Variants in ZBTB16 observed in about 807,000 individuals in gnomAD.
ZBTB16 encodes zinc finger and BTB domain-containing protein 16.
Under a neutral mutation model 56.8 loss-of-function variants are expected in ZBTB16, and 8 were observed. The ratio of observed to expected loss-of-function variants is 0.14; its 90% CI spans 0.08 to 0.25. ZBTB16 has a LOEUF of 0.25. Ranked by LOEUF, ZBTB16 falls within the 10% of genes least tolerant of loss-of-function variation. ZBTB16 has a pLI of 1.00. For missense variants in ZBTB16, 625 were observed against 903.0 expected (o/e 0.69, Z 3.95); for synonymous variants, 363 against 368.5 (o/e 0.98, Z 0.17).
chr11:114,207,372 G>A (rs115190448), intron 4 of ZBTB16, among the ~76,000 whole-genome samples: 2 of 152,082 alleles, frequency 1.3e-5, no homozygotes, highest in African/African-American at 4.8e-5. Flanking sequence ...GATAACCAGG[G>A]TTTTGAATTT....
intron 2 of ZBTB16, among the ~76,000 whole-genome samples, chr11:114,148,445 C>CTCTG (rs1401932030): frequency 1.8e-5 from 1 of 56,876 alleles, no homozygotes; most frequent in African/African-American, 5.6e-5. Flanking sequence ...CTTTCTCTCT[C>CTCTG]TCTGTCTGTC....
chr11:114,137,511 T>G (rs552814618), intron 2 of ZBTB16, among the ~76,000 whole-genome samples: 2 of 152,334 alleles, frequency 1.3e-5, no homozygotes, highest in Non-Finnish European at 2.9e-5. Context: ...AATGTGGATG[T>G]TCCAGTGGCA....
At chr11:114,177,328 ACAAC>A (rs1943141606) in intron 3 of ZBTB16, among the ~76,000 whole-genome samples, 2 of 152,228 alleles carry the variant, frequency 1.3e-5, no homozygotes, top group African/African-American at 4.8e-5. Flanking sequence ...TCGGCTCACC[ACAAC>A]CTCTGCCTCC....
intron 2 of ZBTB16, among the ~76,000 whole-genome samples, chr11:114,137,935 C>T (rs1483921557): frequency 6.6e-6 from 1 of 152,184 alleles, no homozygotes; most frequent in Admixed American, 6.5e-5. Flanking sequence ...TGCTGTGCAT[C>T]GGTGAGAGGA....
chr11:114,235,629 C>CCTTCCTTTCTTTCTTTCTTTCTTT (rs767837990), intron 4 of ZBTB16, among the ~76,000 whole-genome samples: 58 of 97,842 alleles, frequency 5.9e-4, no homozygotes, highest in African/African-American at 2.0e-3. Flanking sequence ...CCTCTCCCTT[C>CCTTCCTTTCTTTCTTTCTTTCTTT]CTTTCTTTCT....
intron 5 of ZBTB16, among the ~76,000 whole-genome samples, chr11:114,246,280 G>A (rs1018527644): frequency 6.6e-6 from 1 of 152,172 alleles, no homozygotes; most frequent in African/African-American, 2.4e-5. Context: ...AGCATAGTGT[G>A]TCAGCAAGCT....
chr11:114,165,676 G>T (rs1389909103), intron 3 of ZBTB16, among the ~76,000 whole-genome samples: 1 of 152,164 alleles, frequency 6.6e-6, no homozygotes, highest in Admixed American at 6.5e-5. Flanking sequence ...CAGGAAAGGG[G>T]TCAGTGCCAG....
intron 3 of ZBTB16, among the ~76,000 whole-genome samples, chr11:114,168,074 G>C (rs555901198): frequency 9.9e-5 from 15 of 152,264 alleles, no homozygotes; most frequent in Admixed American, 6.5e-4. Context: ...TTATTTGCTT[G>C]GCCTTTTTTG....
chr11:114,244,374 C>T (rs1242627487), intron 5 of ZBTB16, among the ~76,000 whole-genome samples: 5 of 138,278 alleles, frequency 3.6e-5, no homozygotes, highest in African/African-American at 8.3e-5. Flanking sequence ...TTGGGGGGGG[C>T]GGGGTCACAG....
At chr11:114,203,826 G>A (rs1943789950) in intron 4 of ZBTB16, among the ~76,000 whole-genome samples, 1 of 152,096 alleles carries the variant, frequency 6.6e-6, no homozygotes, top group African/African-American at 2.4e-5. Context: ...GAGTAGGGGT[G>A]GCTCTGGGAT....
intron 4 of ZBTB16, among the ~76,000 whole-genome samples, chr11:114,197,872 C>G (rs1012687034): frequency 1.3e-5 from 2 of 152,070 alleles, no homozygotes; most frequent in Non-Finnish European, 2.9e-5. Flanking sequence ...GCACGAGGGA[C>G]AGTGCTGGGC....
chr11:114,180,803 A>G (rs675044), intron 3 of ZBTB16: 29,833 of 152,246 alleles, frequency 0.2, 3,375 homozygotes, highest in African/African-American at 0.32. Flanking sequence ...GCAGGGTATC[A>G]GGGATATGGT....
chr11:114,229,260 G>T (rs1421805399), intron 4 of ZBTB16, among the ~76,000 whole-genome samples: 1 of 152,190 alleles, frequency 6.6e-6, no homozygotes, highest in African/African-American at 2.4e-5. Context: ...GAATGCCAAT[G>T]AAGCACTGGA....
chr11:114,148,703 CA>C (rs1000303841), intron 2 of ZBTB16, among the ~76,000 whole-genome samples: 1 of 151,536 alleles, frequency 6.6e-6, no homozygotes, highest in African/African-American at 2.4e-5. Context: ...CCATGTTAGC[CA>C]GGATGGTCTC....
At chr11:114,173,948 C>T (rs1269938362) in intron 3 of ZBTB16, among the ~76,000 whole-genome samples, 1 of 152,210 alleles carries the variant, frequency 6.6e-6, no homozygotes, top group Non-Finnish European at 1.5e-5. Flanking sequence ...GGGAGTTAAG[C>T]ATGGAGGTAT....
rs916020918 is a variant in ZBTB16, at chr11:114,255,683, C to T, written c.*5128C>T. On this transcript the variant is annotated 3_prime_UTR_variant, in exon 7 of 7. Transcript: ENST00000335953. ...TGCCTTCGTTTCGTGTAGATTGACG[C>T]GTTTCTTTGTAATTTCAGTGTTTCT... 3.5e-5 allele frequency among the ~76,000 whole-genome samples: 5 copies of T among 144,812 alleles called. No homozygotes were observed. The highest frequency in any genetic ancestry group is 1.0e-4 in the African/African-American group (4 of 38,626).
At chr11:114,088,231 T>C (rs910694729) in intron 2 of ZBTB16, among the ~76,000 whole-genome samples, 2 of 149,090 alleles carry the variant, frequency 1.3e-5, no homozygotes, top group Non-Finnish European at 3.0e-5. Context: ...AGCCTCTGCC[T>C]CTTGGGTTCA....
At chr11:114,199,067 A>T (rs1213955156) in intron 4 of ZBTB16, among the ~76,000 whole-genome samples, 1 of 152,202 alleles carries the variant, frequency 6.6e-6, no homozygotes, top group African/African-American at 2.4e-5. Flanking sequence ...AGACATCTTG[A>T]GTGTTTCTCG....
Position 114,063,110 on chromosome 11 carries a change from G to A in ZBTB16, c.-90-101G>A, listed in dbSNP as rs1162220596. ...CTAAGGGCTTGGCAACAGGGAGGAG[G>A]GGGCATGTTGTAGTGGTTGAATTCT... is the stretch of plus-strand genomic sequence containing the variant. On this transcript the variant is annotated intron_variant, in intron 1 of 6. Transcript: ENST00000335953. This position sits in a 1 kb window ranked among gnomAD's most constrained non-coding sequence, Gnocchi z 6.5. The A allele has an allele frequency of 6.3e-6, 4 of 631,636 alleles. No individual in the cohort carries two copies. The highest frequency in any genetic ancestry group is 8.3e-6 in the Non-Finnish European group (3 of 361,142). 39.1% of individuals were successfully genotyped at this position (631,636 alleles called of 1,614,324 possible).
Sources: gnomAD v4.1 joint callset for allele counts (sites outside exome capture counted in the v4.1 genomes callset) on GRCh38, gnomAD v4.1.1 for gene constraint, Gnocchi (gnomAD v3.1) non-coding constraint, MANE v1.5 for transcripts, NCBI Gene and HGNC (gene_info 2026-07-23, HGNC 2026-07-21) for gene names.